The following EIF4E variants were observed in gnomAD, a reference collection of about 807,000 sequenced individuals.
EIF4E encodes the protein eIF-4F 25 kDa subunit.
For synonymous variants in EIF4E, 71 were observed against 88.5 expected, an observed-to-expected ratio of 0.80 and a Z score of 1.11; for missense variants, 113 against 265.6, an observed-to-expected ratio of 0.43 and a Z score of 3.99.
chr4:98,894,799 T>C lies in EIF4E; in HGVS notation c.126-3467A>G, dbSNP rs79940470. ...TGCTTTCACAACCTGGCTAACTTAT[T>C]TGGTACAACAGACCTAGCTTTTGGC... On this transcript the variant is annotated intron_variant, in intron 2 of 6. Transcript: ENST00000450253. Among the ~76,000 whole-genome samples, 528 of 152,356 alleles carry C rather than the reference T, an allele frequency of 3.5e-3. 34 individuals carry two copies. In the East Asian group the frequency reaches 0.098, roughly 28 times the overall value.
intron 1 of EIF4E, among the ~76,000 whole-genome samples, chr4:98,918,640 A>G (rs1006652872): frequency 2.0e-5 from 3 of 152,192 alleles, no homozygotes; most frequent in African/African-American, 4.8e-5. Flanking sequence ...TAATGTTTGA[A>G]ATAGCAAATG....
chr4:98,920,541 C>T (rs541178649), intron 1 of EIF4E, among the ~76,000 whole-genome samples: 1 of 152,112 alleles, frequency 6.6e-6, no homozygotes, highest in Non-Finnish European at 1.5e-5. Flanking sequence ...GTGATTCGCC[C>T]ATCTCAGCCT....
At chr4:98,919,511 A>G (rs1443311389) in intron 1 of EIF4E, among the ~76,000 whole-genome samples, 5 of 151,684 alleles carry the variant, frequency 3.3e-5, no homozygotes, top group Non-Finnish European at 5.9e-5. Flanking sequence ...ACTAAATACA[A>G]TATGTATACA....
intron 1 of EIF4E, among the ~76,000 whole-genome samples, chr4:98,924,122 G>A (rs1256593176): frequency 6.6e-6 from 1 of 150,488 alleles, no homozygotes; most frequent in African/African-American, 2.5e-5. Context: ...CTGTCACCCA[G>A]GTTGGAGTGC....
At chr4:98,893,475 T>C (rs1168014800) in intron 2 of EIF4E, among the ~76,000 whole-genome samples, 2 of 152,262 alleles carry the variant, frequency 1.3e-5, no homozygotes, top group African/African-American at 2.4e-5. Context: ...ATTTGGTTTA[T>C]GTAATATTCA....
intron 1 of EIF4E, among the ~76,000 whole-genome samples, chr4:98,924,077 GT>G (rs201322206): frequency 1.6e-4 from 23 of 143,614 alleles, no homozygotes; most frequent in Non-Finnish European, 3.1e-5. Context: ...AACTTCTTTT[GT>G]TTATTTTTTT....
At position 98,921,305 on chromosome 4, in the gene EIF4E, C is replaced by T. The variant is rs578039816; in HGVS notation, c.18+7790G>A. Reference sequence around the variant, plus strand: ...TTTGTGCCAACATAGGCTTACTGCCCCATAAGAAGTTTCACGGCAATACTA... The same window carrying T: ...TTTGTGCCAACATAGGCTTACTGCCTCATAAGAAGTTTCACGGCAATACTA... On this transcript the variant is annotated intron_variant, in intron 1 of 6. Coordinates refer to ENST00000450253, the MANE Select transcript of EIF4E (RefSeq NM_001968.5). Among the ~76,000 whole-genome samples, 44 of 152,154 alleles carry T rather than the reference C, an allele frequency of 2.9e-4. 1 individual carries two copies. Among genetic ancestry groups the T allele is most frequent in the African/African-American group, 8.4e-4 (35 of 41,516 alleles).
chr4:98,906,666 GCAC>G (rs1320260572), intron 1 of EIF4E, among the ~76,000 whole-genome samples: 2 of 152,086 alleles, frequency 1.3e-5, no homozygotes, highest in Non-Finnish European at 2.9e-5. Context: ...AGCTATGATA[GCAC>G]CACTGCATTC....
At chr4:98,890,051 G>A (rs1261520779) in intron 3 of EIF4E, among the ~76,000 whole-genome samples, 1 of 152,146 alleles carries the variant, frequency 6.6e-6, no homozygotes, top group Non-Finnish European at 1.5e-5. Flanking sequence ...ACTCTCAAAT[G>A]AATGTTCTCA....
intron 1 of EIF4E, among the ~76,000 whole-genome samples, chr4:98,923,015 T>C (rs1725717541): frequency 6.6e-6 from 1 of 151,882 alleles, no homozygotes; most frequent in Non-Finnish European, 1.5e-5. Flanking sequence ...ACCCAGCTAA[T>C]TTTGTAATTT....
chr4:98,900,970 C>A (rs1724620543), intron 2 of EIF4E, among the ~76,000 whole-genome samples: 1 of 152,200 alleles, frequency 6.6e-6, no homozygotes, highest in Admixed American at 6.5e-5. Context: ...ATCTGTATAT[C>A]TCCTATTCAC....
intron 2 of EIF4E, among the ~76,000 whole-genome samples, chr4:98,894,850 C>A (rs527740257): frequency 6.6e-6 from 1 of 152,314 alleles, no homozygotes; most frequent in South Asian, 2.1e-4. Context: ...ACATGTCTTC[C>A]TCGTAAGCGT....
chr4:98,909,563 G>C, intron 1 of EIF4E: 1 of 662,690 alleles, frequency 1.5e-6, no homozygotes, highest in Non-Finnish European at 2.7e-6. Context: ...ACTGAATCCA[G>C]TACTAAATGT....
At chr4:98,928,339 C>T (rs1272326812) in intron 1 of EIF4E, among the ~76,000 whole-genome samples, 3 of 152,028 alleles carry the variant, frequency 2.0e-5, no homozygotes, top group Non-Finnish European at 2.9e-5. Context: ...CAATGTGATA[C>T]CCCTTCTCAC....
At chr4:98,926,303 G>C (rs1725862181) in intron 1 of EIF4E, 1 of 152,298 alleles carries the variant, frequency 6.6e-6, no homozygotes, top group South Asian at 2.1e-4. Context: ...ACCACTTTGG[G>C]AGGCCAAGAC....
Position 98,887,993 on chromosome 4 carries a change from A to G in EIF4E, c.222-41T>C, listed in dbSNP as rs761522301. 1 of 1,530,220 alleles carries G rather than the reference A, an allele frequency of 6.5e-7. No homozygotes were observed. The highest frequency in any genetic ancestry group is 1.7e-5 in the Admixed American group (1 of 59,068). The allele number at this position is 1,530,220 out of a possible 1,614,324, so 94.8% of individuals were successfully genotyped here. On this transcript the variant is annotated intron_variant, in intron 3 of 6. Coordinates refer to ENST00000450253, the MANE Select transcript of EIF4E (RefSeq NM_001968.5). This position sits in a 1 kb window ranked among gnomAD's most constrained non-coding sequence, Gnocchi z 4.0. ...TAACAATTAAAAACACAGAATATGT[A>G]ATATAGAGTTTAGGTGCTTACATAT... is the stretch of plus-strand genomic sequence containing the variant.
At chr4:98,917,116 A>ACG (rs1725415061) in intron 1 of EIF4E, among the ~76,000 whole-genome samples, 1 of 56,222 alleles carries the variant, frequency 1.8e-5, no homozygotes, top group Non-Finnish European at 3.4e-5. Flanking sequence ...ACACACACAC[A>ACG]CACACACACA....
intron 1 of EIF4E, among the ~76,000 whole-genome samples, chr4:98,913,185 G>A (rs1221539176): frequency 2.0e-5 from 3 of 150,970 alleles, no homozygotes; most frequent in Admixed American, 6.6e-5. Flanking sequence ...TCCAGCCTGG[G>A]CAACAGAGCA....
rs1232487889 is a variant in EIF4E at position 98,880,867 on chromosome 4, C to G, written c.*161G>C. ...AAAAAAAAAAATGAACACAGAAGTA[C>G]AAGACAAAGGCGAATGAGACTTCTC... On this transcript the variant is annotated 3_prime_UTR_variant, in exon 7 of 7. Transcript: ENST00000450253. 3 of 1,199,858 alleles carry G rather than the reference C, an allele frequency of 2.5e-6. No homozygotes were observed. The highest frequency in any genetic ancestry group is 3.3e-6 in the Non-Finnish European group (3 of 903,340). The allele number at this position is 1,199,858 out of a possible 1,614,324, so 74.3% of individuals were successfully genotyped here.
Sources: allele counts gnomAD v4.1 joint callset (sites outside exome capture counted in the v4.1 genomes callset), GRCh38; gene constraint gnomAD v4.1.1; non-coding constraint Gnocchi (gnomAD v3.1); transcripts MANE v1.5; gene names NCBI Gene and HGNC (gene_info 2026-07-23, HGNC 2026-07-21).